Variants in THSD4 observed in about 807,000 individuals in gnomAD.
THSD4 encodes thrombospondin type 1 domain containing 4.
A neutral mutation model predicts 119.0 loss-of-function variants in THSD4; 69 were observed. The ratio of observed to expected loss-of-function variants is 0.58; its 90% confidence interval spans 0.48 to 0.71. The LOEUF is 0.71. Ranked by LOEUF, THSD4 falls within the 30% of genes least tolerant of loss-of-function variation. The probability of loss-of-function intolerance (pLI) is 0.00; values close to 1 mark genes in which losing one functional copy is unlikely to be tolerated. For missense variants in THSD4, 1,393 were observed against 1,391.1 expected (o/e 1.00, Z -0.02); for synonymous variants, 524 against 540.4 (o/e 0.97, Z 0.42).
At chr15:71,108,029 G>C (rs1178578434) in intron 1 of THSD4, among the ~76,000 whole-genome samples, 2 of 152,202 alleles carry the variant, frequency 1.3e-5, no homozygotes, top group African/African-American at 4.8e-5. Flanking sequence ...TGCGCCCAAA[G>C]CATGCAGCCA....
At chr15:71,275,960 C>G (rs947645864) in intron 6 of THSD4, among the ~76,000 whole-genome samples, 1 of 152,148 alleles carries the variant, frequency 6.6e-6, no homozygotes, top group Non-Finnish European at 1.5e-5. Context: ...CCCAGTCTAG[C>G]GTAAGTTTCT....
chr15:71,458,350 G>A (rs913940827), intron 7 of THSD4, among the ~76,000 whole-genome samples: 2 of 152,074 alleles, frequency 1.3e-5, no homozygotes, highest in African/African-American at 4.8e-5. Context: ...GTTCTATTTT[G>A]TCTTAGTTTG....
intron 7 of THSD4, among the ~76,000 whole-genome samples, chr15:71,541,262 C>A (rs1486397817): frequency 6.6e-6 from 1 of 152,118 alleles, no homozygotes; most frequent in Non-Finnish European, 1.5e-5. Flanking sequence ...ATTTTACATT[C>A]TTTTGCTTAT....
Position 71,220,772 on chromosome 15 carries a change from C to T in THSD4, c.464+5373C>T, listed in dbSNP as rs897131091. ...GACAGGGAGCCAGGAACTGAGCTCC[C>T]GTCCAGATGGGTGGGACTCTGGGAA... On this transcript the variant is annotated intron_variant, in intron 4 of 17. Transcript: ENST00000261862. Among the ~76,000 whole-genome samples, 5 of 152,144 alleles carry T rather than the reference C, an allele frequency of 3.3e-5. No homozygotes were observed. In the South Asian group the frequency reaches 6.2e-4, roughly 19 times the overall value.
At chr15:71,365,181 GAC>G (rs1321051031) in intron 6 of THSD4, among the ~76,000 whole-genome samples, 1 of 150,886 alleles carries the variant, frequency 6.6e-6, no homozygotes, top group East Asian at 1.9e-4. Flanking sequence ...GAGAGAGAAA[GAC>G]AGAAAAGAAG....
intron 1 of THSD4, among the ~76,000 whole-genome samples, chr15:71,127,777 G>T (rs1424390120): frequency 6.6e-6 from 1 of 152,052 alleles, no homozygotes; most frequent in Non-Finnish European, 1.5e-5. Context: ...TTTTCTTACT[G>T]TTGAGTTGTT....
At chr15:71,582,878 AT>A (rs1302604454) in intron 7 of THSD4, among the ~76,000 whole-genome samples, 2 of 152,100 alleles carry the variant, frequency 1.3e-5, no homozygotes, top group Non-Finnish European at 2.9e-5. Flanking sequence ...TGAATTTAGT[AT>A]ACTAGTATTT....
intron 7 of THSD4, among the ~76,000 whole-genome samples, chr15:71,430,064 G>C (rs1028921238): frequency 1.2e-4 from 18 of 152,012 alleles, no homozygotes; most frequent in African/African-American, 4.3e-4. Context: ...TTTAGTTTGT[G>C]TGTAAGTTTG....
At chr15:71,352,758 A>G (rs1273494681) in intron 6 of THSD4, among the ~76,000 whole-genome samples, 1 of 152,252 alleles carries the variant, frequency 6.6e-6, no homozygotes, top group Non-Finnish European at 1.5e-5. Context: ...AGGCTTATCC[A>G]TATTGCTTTT....
intron 7 of THSD4, among the ~76,000 whole-genome samples, chr15:71,488,771 TG>T (rs2047863639): frequency 6.6e-6 from 1 of 152,252 alleles, no homozygotes; most frequent in Non-Finnish European, 1.5e-5. Flanking sequence ...TTTCTTAGTT[TG>T]TGTATTTACT....
intron 1 of THSD4, among the ~76,000 whole-genome samples, chr15:71,104,434 A>G (rs1450948165): frequency 6.6e-6 from 1 of 152,072 alleles, no homozygotes; most frequent in Non-Finnish European, 1.5e-5. Context: ...CGATTTTGAC[A>G]CTGTCTACCT....
intron 6 of THSD4, among the ~76,000 whole-genome samples, chr15:71,258,304 G>A (rs993595025): frequency 2.6e-5 from 4 of 151,968 alleles, no homozygotes; most frequent in Admixed American, 6.6e-5. Flanking sequence ...TTAGCCTCCC[G>A]AGTAGCTGGG....
At chr15:71,439,938 A>G (rs2047067810) in intron 7 of THSD4, among the ~76,000 whole-genome samples, 1 of 152,186 alleles carries the variant, frequency 6.6e-6, no homozygotes, top group African/African-American at 2.4e-5. Flanking sequence ...TGGGTGCAGC[A>G]AACCACCATG....
intron 7 of THSD4, among the ~76,000 whole-genome samples, chr15:71,436,947 G>A (rs2047021563): frequency 6.6e-6 from 1 of 152,134 alleles, no homozygotes; most frequent in Non-Finnish European, 1.5e-5. Flanking sequence ...TACTGAATGG[G>A]ACTGTGTTCA....
intron 8 of THSD4, among the ~76,000 whole-genome samples, chr15:71,706,784 A>ACCTTTG (rs1188479541): frequency 6.6e-6 from 1 of 152,202 alleles, no homozygotes; most frequent in Non-Finnish European, 1.5e-5. Flanking sequence ...ATCTCGCATG[A>ACCTTTG]CCTTTGCAGG....
chr15:71,604,247 C>T (rs2050065503), intron 7 of THSD4, among the ~76,000 whole-genome samples: 1 of 152,174 alleles, frequency 6.6e-6, no homozygotes, highest in African/African-American at 2.4e-5. Context: ...CTTTTTCTTC[C>T]TCCCACTTTA....
intron 6 of THSD4, among the ~76,000 whole-genome samples, chr15:71,408,774 C>G (rs2046642185): frequency 6.6e-6 from 1 of 152,042 alleles, no homozygotes; most frequent in Non-Finnish European, 1.5e-5. Flanking sequence ...ACGGCTTGAG[C>G]CTGGGAGGTC....
intron 6 of THSD4, among the ~76,000 whole-genome samples, chr15:71,392,192 G>A (rs2140470365): frequency 6.6e-6 from 1 of 152,262 alleles, no homozygotes; most frequent in East Asian, 1.9e-4. Flanking sequence ...TTCTGCCAGG[G>A]GTTGCCACAT....
chr15:71,607,653 C>A lies in THSD4; in HGVS notation c.1153-52877C>A, dbSNP rs572251766. ...TCACAACGGAGGTGTGGCCTTAGAG[C>A]CGTACTGAGTAGGGCTTAATGAGGC... is the stretch of plus-strand genomic sequence containing the variant. On this transcript the variant is annotated intron_variant, in intron 7 of 17. Coordinates refer to ENST00000261862, the MANE Select transcript of THSD4 (RefSeq NM_024817.3). Among the ~76,000 whole-genome samples the A allele has an allele frequency of 6.6e-5, 10 of 152,278 alleles. No homozygotes were observed. In the South Asian group the frequency reaches 2.1e-3, roughly 32 times the overall value.
Sources: gnomAD v4.1 joint callset for allele counts (sites outside exome capture counted in the v4.1 genomes callset) on GRCh38, gnomAD v4.1.1 for gene constraint, MANE v1.5 for transcripts, NCBI Gene and HGNC (gene_info 2026-07-23, HGNC 2026-07-21) for gene names.